DLGAP1: variants seen among roughly 807,000 people sequenced by gnomAD.
DLGAP1 encodes disks large-associated protein 1.
DLGAP1 carries 11 observed loss-of-function variants against 90.8 expected under a neutral mutation model. The ratio of observed to expected loss-of-function variants is 0.12; its 90% CI spans 0.08 to 0.20. DLGAP1 has a LOEUF of 0.20. DLGAP1 is among the 10% of genes least tolerant of loss of function. The probability of loss-of-function intolerance (pLI) is 1.00; values close to 1 mark genes in which losing one functional copy is unlikely to be tolerated. For missense variants in DLGAP1, 1,050 were observed against 1,333.8 expected, an observed-to-expected ratio of 0.79 and a Z score of 3.31; for synonymous variants, 558 against 540.7, an observed-to-expected ratio of 1.03 and a Z score of -0.44.
chr18:3,840,416 C>T (rs2068649682), intron 4 of DLGAP1, among the ~76,000 whole-genome samples: 1 of 152,180 alleles, frequency 6.6e-6, no homozygotes. Flanking sequence ...GTCCCTTTCT[C>T]CATCTTCACA....
At chr18:3,936,825 A>G (rs1374500615) in intron 3 of DLGAP1, among the ~76,000 whole-genome samples, 1 of 152,242 alleles carries the variant, frequency 6.6e-6, no homozygotes, top group Non-Finnish European at 1.5e-5. Flanking sequence ...ACCCAAGAAC[A>G]AAGAAGCAGG....
intron 1 of DLGAP1, among the ~76,000 whole-genome samples, chr18:4,152,105 C>T (rs1242486736): frequency 6.6e-6 from 1 of 152,126 alleles, no homozygotes; most frequent in Non-Finnish European, 1.5e-5. Context: ...TATGAGTTTC[C>T]TTTCTGAAAA....
chr18:3,772,126 TTTC>T (rs756068093), intron 5 of DLGAP1, among the ~76,000 whole-genome samples: 63 of 150,436 alleles, frequency 4.2e-4, no homozygotes, highest in Non-Finnish European at 8.2e-4. Context: ...CTTTCTTTCT[TTTC>T]TTTTCTTTCT....
chr18:3,706,986 G>A (rs1696609471), intron 7 of DLGAP1, among the ~76,000 whole-genome samples: 1 of 152,176 alleles, frequency 6.6e-6, no homozygotes, highest in Admixed American at 6.5e-5. Context: ...GAAGAACTGA[G>A]TTCAGCAAGG....
At chr18:4,045,144 C>T (rs1009450463) in intron 2 of DLGAP1, among the ~76,000 whole-genome samples, 3 of 152,038 alleles carry the variant, frequency 2.0e-5, no homozygotes, top group Non-Finnish European at 4.4e-5. Context: ...TCCTCCACGC[C>T]GAGCCACTCT....
At chr18:4,358,883 C>G (rs1280923368) in intron 1 of DLGAP1, among the ~76,000 whole-genome samples, 1 of 152,234 alleles carries the variant, frequency 6.6e-6, no homozygotes, top group Non-Finnish European at 1.5e-5. Context: ...GGCACTCACT[C>G]TGCCACATTC....
At chr18:4,414,851 A>G (rs2082857448) in intron 1 of DLGAP1, among the ~76,000 whole-genome samples, 1 of 152,154 alleles carries the variant, frequency 6.6e-6, no homozygotes, top group Non-Finnish European at 1.5e-5. Flanking sequence ...TGATATTCTT[A>G]TATTTGAATT....
At chr18:3,977,335 G>A (rs1262815630) in intron 3 of DLGAP1, among the ~76,000 whole-genome samples, 1 of 151,918 alleles carries the variant, frequency 6.6e-6, no homozygotes, top group African/African-American at 2.4e-5. Flanking sequence ...GCCTCTCAAA[G>A]TGCTGGGATT....
In DLGAP1 at chr18:3,965,108, A is replaced by T. The variant is rs548390090; in HGVS notation, c.-73+40008T>A. Among the ~76,000 whole-genome samples, 3 of 152,276 alleles carry T rather than the reference A, an allele frequency of 2.0e-5. No individual in the cohort carries two copies. In the East Asian group the frequency reaches 5.8e-4, roughly 29 times the overall value. On this transcript the variant is annotated intron_variant, in intron 3 of 12. Coordinates refer to ENST00000315677, the MANE Select transcript of DLGAP1 (RefSeq NM_004746.4). ...AAAAGATCTCTTTGTAAACAAAGAG[A>T]TCTTTGTAAACAAATAGAGGCATGG...
At chr18:3,719,341 C>CT (rs2061884900) in intron 7 of DLGAP1, among the ~76,000 whole-genome samples, 1 of 151,476 alleles carries the variant, frequency 6.6e-6, no homozygotes, top group African/African-American at 2.4e-5. Context: ...CCGGGGTGGG[C>CT]GGATCACGAG....
chr18:3,574,625 G>C (rs1456023299), intron 8 of DLGAP1, among the ~76,000 whole-genome samples: 2 of 152,072 alleles, frequency 1.3e-5, no homozygotes, highest in African/African-American at 2.4e-5. Context: ...TGACTGGAGA[G>C]AGGTCCCTCC....
intron 3 of DLGAP1, among the ~76,000 whole-genome samples, chr18:3,984,560 C>G (rs1434617707): frequency 6.6e-6 from 1 of 152,144 alleles, no homozygotes; most frequent in African/African-American, 2.4e-5. Flanking sequence ...ACCCTGTCAC[C>G]CAGGCTGGCG....
intron 2 of DLGAP1, among the ~76,000 whole-genome samples, chr18:4,145,292 AG>A (rs2076566252): frequency 6.6e-6 from 1 of 152,240 alleles, no homozygotes; most frequent in Admixed American, 6.5e-5. Context: ...GAAAAAATCA[AG>A]GTATCAAATA....
At chr18:3,626,855 C>T (rs529490592) in intron 7 of DLGAP1, among the ~76,000 whole-genome samples, 90 of 151,960 alleles carry the variant, frequency 5.9e-4, no homozygotes, top group South Asian at 1.7e-3. Context: ...GCTGAGATCA[C>T]GCCACTGCAC....
At chr18:4,043,679 T>C (rs1037782616) in intron 2 of DLGAP1, among the ~76,000 whole-genome samples, 1 of 152,222 alleles carries the variant, frequency 6.6e-6, no homozygotes, top group Non-Finnish European at 1.5e-5. Context: ...CTGAAGATTT[T>C]ATGAATCACA....
At chr18:3,779,058 C>T (rs1445088893) in intron 5 of DLGAP1, among the ~76,000 whole-genome samples, 4 of 152,168 alleles carry the variant, frequency 2.6e-5, no homozygotes, top group Non-Finnish European at 5.9e-5. Flanking sequence ...CTTGACCACC[C>T]GCAGGTGGTG....
chr18:3,621,112 G>C (rs1259355287), intron 7 of DLGAP1, among the ~76,000 whole-genome samples: 1 of 152,166 alleles, frequency 6.6e-6, no homozygotes, highest in East Asian at 1.9e-4. Flanking sequence ...TTAAAGATAA[G>C]TGACCTGGGG....
chr18:3,600,668 A>C (rs2056841062), intron 7 of DLGAP1, among the ~76,000 whole-genome samples: 1 of 132,704 alleles, frequency 7.5e-6, no homozygotes, highest in African/African-American at 3.0e-5. Context: ...ATCTATAGAG[A>C]TCTATAGATA....
intron 2 of DLGAP1, among the ~76,000 whole-genome samples, chr18:4,054,955 T>C (rs1001043158): frequency 6.6e-6 from 1 of 152,242 alleles, no homozygotes; most frequent in Non-Finnish European, 1.5e-5. Flanking sequence ...TTTTATGATT[T>C]AGATCATCTT....
Sources: allele counts gnomAD v4.1 joint callset (sites outside exome capture counted in the v4.1 genomes callset), GRCh38; gene constraint gnomAD v4.1.1; transcripts MANE v1.5; gene names NCBI Gene and HGNC (gene_info 2026-07-23, HGNC 2026-07-21).